Variants in RAPH1 observed in about 807,000 individuals in gnomAD.
RAPH1 encodes the protein ras-associated and pleckstrin homology domains-containing protein 1.
Under a neutral mutation model 88.1 loss-of-function variants are expected in RAPH1, and 18 were observed. The ratio of observed to expected loss-of-function variants is 0.20; its 90% confidence interval spans 0.14 to 0.30. The LOEUF (loss-of-function observed/expected upper bound fraction) is 0.30, where lower values mean the gene tolerates loss of function less well. Among genes scored for constraint, RAPH1 ranks in the 10% least tolerant of loss-of-function variants. The pLI is 1.00. For synonymous variants in RAPH1, 587 were observed against 559.0 expected (o/e 1.05, Z -0.71); for missense variants, 1,448 against 1,543.2 (o/e 0.94, Z 1.03).
At chr2:203,457,618 G>C in intron 7 of RAPH1, 23 bp from the exon 8 acceptor site, 5 of 1,526,708 alleles carry the variant, frequency 3.3e-6, no homozygotes, top group Non-Finnish European at 4.5e-6. Flanking sequence ...ACATATGGAA[G>C]GGATGGGTGG....
At chr2:203,525,188 T>C (rs1160695327) in intron 1 of RAPH1, among the ~76,000 whole-genome samples, 1 of 152,174 alleles carries the variant, frequency 6.6e-6, no homozygotes, top group Non-Finnish European at 1.5e-5. Flanking sequence ...ATTAACATCT[T>C]CTTTTTTGTT....
At chr2:203,500,196 AAG>A in intron 1 of RAPH1, among the ~76,000 whole-genome samples, 1 of 152,226 alleles carries the variant, frequency 6.6e-6, no homozygotes, top group East Asian at 1.9e-4. Flanking sequence ...AGTGCTATAA[AAG>A]AGGTATGTTA....
At chr2:203,489,203 G>A (rs1688130380) in intron 4 of RAPH1, among the ~76,000 whole-genome samples, 2 of 151,874 alleles carry the variant, frequency 1.3e-5, no homozygotes, top group African/African-American at 4.8e-5. Context: ...TAGAATCTTG[G>A]AGGACCACAA....
intron 12 of RAPH1, chr2:203,446,315 A>G (rs989037829): frequency 2.0e-5 from 3 of 152,208 alleles, no homozygotes; most frequent in African/African-American, 7.2e-5. Context: ...AAGATCATAG[A>G]GGAAAAAAGC....
At chr2:203,473,805 T>C (rs1022348643) in intron 4 of RAPH1, among the ~76,000 whole-genome samples, 2 of 152,240 alleles carry the variant, frequency 1.3e-5, no homozygotes, top group African/African-American at 2.4e-5. Flanking sequence ...TTACCAACTA[T>C]AGACACAAAG....
In RAPH1 at chr2:203,471,605, T is replaced by C. The variant is rs559333372; in HGVS notation, c.733-9680A>G. Among the ~76,000 whole-genome samples the C allele has an allele frequency of 2.0e-5, 3 of 152,062 alleles. No individual in the cohort carries two copies. In the East Asian group the frequency reaches 5.8e-4, roughly 29 times the overall value. ...CTAGCCTGGGCGACAAGTGAAACTC[T>C]TGTCTCAAGAAAAAAAAAAAGTACA... On this transcript the variant is annotated intron_variant, in intron 4 of 13. Coordinates refer to ENST00000319170, the MANE Select transcript of RAPH1 (RefSeq NM_213589.3).
At position 203,441,347 on chromosome 2, in the gene RAPH1, T is replaced by A. The variant is rs753309129; in HGVS notation, c.1843A>T (p.Ile615Leu). ...LVPPLSPQPK[I>L]VTPYTASQPS... Reference sequence around the variant, plus strand: ...TGTGAAGCAGTGTAGGGGGTGACTATCTTAGGTTGCGGGGATAAAGGGGGC... The same window carrying A: ...TGTGAAGCAGTGTAGGGGGTGACTAACTTAGGTTGCGGGGATAAAGGGGGC... Residue 615 changes from isoleucine (I) to leucine (L), a missense_variant, in exon 14 of 14, where the codon ATA (isoleucine) becomes TTA (leucine). Transcript: ENST00000319170. The A allele has an allele frequency of 6.3e-7, 1 of 1,576,880 alleles. No individual in the cohort carries two copies. Among genetic ancestry groups the A allele is most frequent in the South Asian group, 1.2e-5 (1 of 83,070 alleles).
rs2098500388 is a variant in RAPH1 at position 203,438,598 on chromosome 2, T to A, written c.*839A>T. The A allele has an allele frequency of 5.7e-6, 1 of 175,292 alleles. No homozygotes were observed. The highest frequency in any genetic ancestry group is 1.2e-5 in the Non-Finnish European group (1 of 83,200). The allele number at this position is 175,292 out of a possible 1,614,324, so 10.9% of individuals were successfully genotyped here. The stretch of plus-strand genomic sequence containing the variant: ...ATGAAGCCAAGTTGATAAAGCTTCA[T>A]AAAACAGTACTAAAAAGGAACTATC... On this transcript the variant is annotated 3_prime_UTR_variant, in exon 14 of 14. Transcript: ENST00000319170.
intron 4 of RAPH1, among the ~76,000 whole-genome samples, chr2:203,485,903 G>C (rs771936336): frequency 6.6e-6 from 1 of 152,114 alleles, no homozygotes; most frequent in Non-Finnish European, 1.5e-5. Context: ...TGATAGCTGA[G>C]AAACCCTGAC....
intron 10 of RAPH1, among the ~76,000 whole-genome samples, chr2:203,452,957 T>C (rs146988982): frequency 1.2e-4 from 18 of 152,042 alleles, no homozygotes; most frequent in African/African-American, 3.9e-4. Context: ...AATAAATAAA[T>C]AGACAAACAC....
chr2:203,519,776 A>G (rs898541102), intron 1 of RAPH1, among the ~76,000 whole-genome samples: 3 of 152,232 alleles, frequency 2.0e-5, no homozygotes, highest in African/African-American at 7.2e-5. Context: ...AAAAGCAGCC[A>G]TGGGTCCTGT....
chr2:203,486,246 T>A (rs1054049568), intron 4 of RAPH1, among the ~76,000 whole-genome samples: 1 of 152,218 alleles, frequency 6.6e-6, no homozygotes, highest in South Asian at 2.1e-4. Flanking sequence ...TAAATATTTT[T>A]AAACATATAT....
rs1258986076 is a variant in RAPH1, at chr2:203,433,860, TG to T, written c.*5576del. 1 of 152,536 alleles carries T rather than the reference TG, an allele frequency of 6.6e-6. No homozygotes were observed. The highest frequency in any genetic ancestry group is 1.5e-5 in the Non-Finnish European group (1 of 68,026). 9.4% of individuals were successfully genotyped at this position (152,536 alleles called of 1,614,324 possible). On this transcript the variant is annotated 3_prime_UTR_variant, in exon 14 of 14. Transcript: ENST00000319170. ...TTTTTTTATTAAGGATTTGATAAGC[TG>T]ATATAATGAAAACATGTAAATGAAA...
chr2:203,452,917 G>C (rs1404239470), intron 10 of RAPH1, among the ~76,000 whole-genome samples: 2 of 152,106 alleles, frequency 1.3e-5, no homozygotes, highest in Non-Finnish European at 2.9e-5. Context: ...CAGCCAGGGA[G>C]ACAGAGTGAG....
intron 1 of RAPH1, among the ~76,000 whole-genome samples, chr2:203,534,512 C>A (rs1288382968): frequency 8.3e-5 from 6 of 72,300 alleles, no homozygotes; most frequent in South Asian, 7.5e-4. Context: ...CCGTCCACCC[C>A]CCCCCCCCCC....
At chr2:203,515,410 T>C (rs1334259012) in intron 1 of RAPH1, among the ~76,000 whole-genome samples, 2 of 152,194 alleles carry the variant, frequency 1.3e-5, no homozygotes, top group African/African-American at 2.4e-5. Context: ...AGTGTCAAGT[T>C]TAGTGCCCTG....
chr2:203,444,946 GTGTCC>G lies in RAPH1; in HGVS notation c.1693_1697del (p.Gly565ArgfsTer13). On this transcript the variant is annotated frameshift_variant, in exon 13 of 14. Coordinates refer to ENST00000319170, the MANE Select transcript of RAPH1 (RefSeq NM_213589.3). LOFTEE classifies it high-confidence loss of function. Reference sequence around the variant, plus strand: ...AGCTCACAATGCTCTGGGAACGGACGTGTCCTGCTGGCTGGGTGTCAGAAACTCCG... The same window carrying G: ...AGCTCACAATGCTCTGGGAACGGACGTGCTGGCTGGGTGTCAGAAACTCCG... The G allele has an allele frequency of 6.2e-7, 1 of 1,614,114 alleles. No homozygotes were observed. Among genetic ancestry groups the G allele is most frequent in the Non-Finnish European group, 8.5e-7 (1 of 1,179,970 alleles).
intron 1 of RAPH1, among the ~76,000 whole-genome samples, chr2:203,529,518 C>T (rs942113031): frequency 9.2e-5 from 14 of 152,184 alleles, no homozygotes; most frequent in South Asian, 2.1e-4. Flanking sequence ...TGCGCCACCA[C>T]GCCCGACTAA....
rs191950872 is a variant in RAPH1 at position 203,476,929 on chromosome 2, T to C, written c.732+12655A>G. 18 of 586,856 alleles carry C rather than the reference T, an allele frequency of 3.1e-5. No homozygotes were observed. In the East Asian group the frequency reaches 4.9e-4, roughly 16 times the overall value. 36.4% of individuals were successfully genotyped at this position (586,856 alleles called of 1,614,324 possible). The stretch of plus-strand genomic sequence containing the variant: ...ATATTCAGTTGTACCATATCTAAAG[T>C]TGCTTATTTGTTTTTGCTAATTTAT... On this transcript the variant is annotated intron_variant, in intron 4 of 13. Coordinates refer to ENST00000319170, the MANE Select transcript of RAPH1 (RefSeq NM_213589.3).
Sources: gnomAD v4.1 joint callset for allele counts (sites outside exome capture counted in the v4.1 genomes callset) on GRCh38, gnomAD v4.1.1 for gene constraint, MANE v1.5 for transcripts, NCBI Gene and HGNC (gene_info 2026-07-23, HGNC 2026-07-21) for gene names.